The following WDR88 variants were observed in gnomAD, a reference collection of about 807,000 sequenced individuals.
The protein encoded by WDR88 is WD repeat-containing protein 88.
In WDR88, 40 loss-of-function variants were observed where a neutral mutation model predicts 46.8. That is an observed-to-expected ratio of 0.86 (90% CI 0.66 to 1.11). The LOEUF is 1.11. Ranked by LOEUF, WDR88 falls within the 50% of genes most tolerant of loss-of-function variation. WDR88 has a pLI of 0.00. For synonymous variants in WDR88, 235 were observed against 240.7 expected, an observed-to-expected ratio of 0.98 and a Z score of 0.22; for missense variants, 562 against 602.4, an observed-to-expected ratio of 0.93 and a Z score of 0.70.
rs551832674 is a variant in WDR88, at chr19:33,139,325, C to A, written c.387+1538C>A. On this transcript the variant is annotated intron_variant, in intron 2 of 10. Coordinates refer to ENST00000355868, the MANE Select transcript of WDR88 (RefSeq NM_173479.4). ...GCAGGCCCAGGCAGTGCAGATCACT[C>A]AGGAGGGCTGGGGAGGAGCAGGGCT... Among the ~76,000 whole-genome samples, 9 of 152,316 alleles carry A rather than the reference C, an allele frequency of 5.9e-5. No homozygotes were observed. The South Asian group carries it at 1.9e-3, about 32-fold the overall frequency.
intron 3 of WDR88, among the ~76,000 whole-genome samples, chr19:33,146,764 C>T (rs1443313680): frequency 3.3e-5 from 5 of 152,054 alleles, no homozygotes; most frequent in East Asian, 1.9e-4. Context: ...GTGTTCTGCC[C>T]GCCTCAGCCT....
At chr19:33,138,038 A>C (rs1469281508) in intron 2 of WDR88, among the ~76,000 whole-genome samples, 5 of 139,876 alleles carry the variant, frequency 3.6e-5, no homozygotes, top group Admixed American at 1.4e-4. Context: ...AGTGCCACAC[A>C]TTTTTTTTTT....
chr19:33,143,782 ATGT>A (rs1973452250), intron 2 of WDR88, among the ~76,000 whole-genome samples: 1 of 152,188 alleles, frequency 6.6e-6, no homozygotes, highest in Admixed American at 6.5e-5. Context: ...GGCTGTGAAA[ATGT>A]TGTCATAGGT....
At chr19:33,157,682 T>C in intron 7 of WDR88, among the ~76,000 whole-genome samples, 1 of 1,172 alleles carries the variant, frequency 8.5e-4, no homozygotes, top group East Asian at 8.1e-3. Context: ...TGTGTGTGTA[T>C]GTATGTATAT....
chr19:33,150,387 T>C (rs1029980974), intron 5 of WDR88, among the ~76,000 whole-genome samples: 1 of 152,338 alleles, frequency 6.6e-6, no homozygotes, highest in Admixed American at 6.5e-5. Flanking sequence ...AGGTGGAGGT[T>C]GCAGTGAGCC....
intron 2 of WDR88, among the ~76,000 whole-genome samples, chr19:33,143,457 A>T (rs973638991): frequency 2.6e-5 from 4 of 151,644 alleles, no homozygotes; most frequent in Admixed American, 1.3e-4. Context: ...CAGCCTGGGT[A>T]ATATAGTGAG....
At chr19:33,173,419 G>T (rs2145429179) in intron 10 of WDR88, among the ~76,000 whole-genome samples, 1 of 152,376 alleles carries the variant, frequency 6.6e-6, no homozygotes, top group Non-Finnish European at 1.5e-5. Context: ...CACAGCTGGG[G>T]CTGGCCACAG....
At chr19:33,157,844 C>G (rs895806844) in intron 7 of WDR88, among the ~76,000 whole-genome samples, 5 of 150,718 alleles carry the variant, frequency 3.3e-5, no homozygotes, top group East Asian at 2.0e-4. Flanking sequence ...AGAACAAGTC[C>G]CAGGGAAGAC....
intron 2 of WDR88, among the ~76,000 whole-genome samples, chr19:33,140,047 T>G (rs1257993653): frequency 6.6e-6 from 1 of 152,200 alleles, no homozygotes; most frequent in Non-Finnish European, 1.5e-5. Flanking sequence ...GCTGTCCTTA[T>G]GGACACCTGG....
At chr19:33,166,162 C>T (rs1973949231) in intron 9 of WDR88, among the ~76,000 whole-genome samples, 1 of 151,556 alleles carries the variant, frequency 6.6e-6, no homozygotes, top group Non-Finnish European at 1.5e-5. Flanking sequence ...ACTCCAGGTC[C>T]AGCTACTTGG....
chr19:33,157,723 ATATATAT>A (rs1254454928), intron 7 of WDR88, among the ~76,000 whole-genome samples: 1 of 87,242 alleles, frequency 1.1e-5, no homozygotes, highest in Non-Finnish European at 1.8e-5. Flanking sequence ...ATATATATAT[ATATATAT>A]ATATATAAAA....
intron 8 of WDR88, among the ~76,000 whole-genome samples, chr19:33,162,504 C>T (rs555795157): frequency 7.4e-4 from 112 of 151,964 alleles, no homozygotes; most frequent in Admixed American, 1.6e-3. Context: ...TGGAGCACCG[C>T]GCCCGGCCTG....
intron 2 of WDR88, among the ~76,000 whole-genome samples, chr19:33,143,271 C>T (rs919067309): frequency 2.7e-5 from 4 of 145,754 alleles, no homozygotes; most frequent in Non-Finnish European, 6.0e-5. Flanking sequence ...GGAGGTGGTG[C>T]CTGCAGTGAG....
At chr19:33,142,891 C>T (rs368094904) in intron 2 of WDR88, 25 of 99,760 alleles carry the variant, frequency 2.5e-4, no homozygotes, top group African/African-American at 9.2e-4. Flanking sequence ...GGCCGGGGGG[C>T]GGGAATAACG....
Position 33,144,711 on chromosome 19 carries a change from AGAGTCCCAGG to A in WDR88, c.388-132_388-123del. On this transcript the variant is annotated intron_variant, in intron 2 of 10. Coordinates refer to ENST00000355868, the MANE Select transcript of WDR88 (RefSeq NM_173479.4). ...TCCTTTCCTCTTTCGGAGCTGAGTG[AGAGTCCCAGG>A]ACCTTGGAGTTCTCAGATTTTGCTA... is the stretch of plus-strand genomic sequence containing the variant. 3 of 760,162 alleles carry A rather than the reference AGAGTCCCAGG, an allele frequency of 3.9e-6. No homozygotes were observed. In the South Asian group the frequency reaches 4.7e-5, roughly 12 times the overall value. 47.1% of individuals were successfully genotyped at this position (760,162 alleles called of 1,614,324 possible).
chr19:33,133,220 G>GAA (rs1555723218), intron 1 of WDR88, among the ~76,000 whole-genome samples: 7 of 147,022 alleles, frequency 4.8e-5, no homozygotes, highest in Non-Finnish European at 9.0e-5. Flanking sequence ...GAGAAAGAAA[G>GAA]AAAGAAAAAG....
intron 7 of WDR88, 36 bp from the exon 8 acceptor site, chr19:33,160,378 T>C (rs771160255): frequency 1.9e-6 from 3 of 1,610,952 alleles, no homozygotes. Context: ...CTTGGAAAGT[T>C]GACCCCCATC....
At chr19:33,145,598 G>A (rs1452962426) in intron 3 of WDR88, among the ~76,000 whole-genome samples, 2 of 151,220 alleles carry the variant, frequency 1.3e-5, no homozygotes, top group South Asian at 2.1e-4. Context: ...ATAGTGGTGC[G>A]ATCTCGGCTC....
intron 2 of WDR88, among the ~76,000 whole-genome samples, chr19:33,138,723 G>A (rs1482394755): frequency 2.2e-5 from 3 of 136,644 alleles, no homozygotes; most frequent in East Asian, 2.1e-4. Context: ...TTGCTCTGTC[G>A]CCCAGGCTGG....
Sources: gnomAD v4.1 joint callset for allele counts (sites outside exome capture counted in the v4.1 genomes callset) on GRCh38, gnomAD v4.1.1 for gene constraint, MANE v1.5 for transcripts, NCBI Gene and HGNC (gene_info 2026-07-23, HGNC 2026-07-21) for gene names.